Variants in PWWP3B observed in about 807,000 individuals in gnomAD.
PWWP3B encodes the protein PWWP domain containing 3B.
Under a neutral mutation model 15.7 loss-of-function variants are expected in PWWP3B, and 5 were observed. The ratio of observed to expected loss-of-function variants is 0.32; its 90% CI spans 0.17 to 0.67. PWWP3B has a LOEUF of 0.67. PWWP3B is among the 30% of genes least tolerant of loss of function. PWWP3B has a pLI of 0.74. For missense variants in PWWP3B, 519 were observed against 493.1 expected, an observed-to-expected ratio of 1.05 and a Z score of -0.50; for synonymous variants, 203 against 179.8, an observed-to-expected ratio of 1.13 and a Z score of -1.03.
intron 2 of PWWP3B, among the ~76,000 whole-genome samples, chrX:106,193,032 G>C (rs1373744907): frequency 2.7e-5 from 3 of 111,583 alleles, no homozygotes; most frequent in Non-Finnish European, 5.6e-5. Context: ...ATTTAGGGTG[G>C]AGAGTTCTGT....
At chrX:106,195,105 C>G (rs149135438) in intron 2 of PWWP3B, among the ~76,000 whole-genome samples, 54 of 111,759 alleles carry the variant, frequency 4.8e-4, no homozygotes, top group African/African-American at 1.7e-3. Context: ...ACTTGCATAT[C>G]CTCAATTACT....
Position 106,203,965 on chromosome X carries a change from C to T in PWWP3B, c.-400-20C>T, listed in dbSNP as rs771921571. The T allele has an allele frequency of 3.6e-5, 4 of 111,865 alleles. No individual in the cohort carries two copies. Among genetic ancestry groups the T allele is most frequent in the East Asian group, 2.8e-4 (1 of 3,541 alleles). 9.2% of individuals were successfully genotyped at this position (111,865 alleles called of 1,213,427 possible). On this transcript the variant is annotated intron_variant, in intron 2 of 3. Transcript: ENST00000357175. ...TTTTCCCATTTCGTTGGTTTTATTCCCTGCCTTCCTTTTGAACAGCATAGG... is the reference window on the plus strand; with the variant it reads ...TTTTCCCATTTCGTTGGTTTTATTCTCTGCCTTCCTTTTGAACAGCATAGG...
At chrX:106,199,879 A>G (rs1162919667) in intron 2 of PWWP3B, among the ~76,000 whole-genome samples, 1 of 111,714 alleles carries the variant, frequency 9.0e-6, no homozygotes, top group Non-Finnish European at 1.9e-5. Flanking sequence ...CATTCATTAC[A>G]AATATGATAT....
rs1339605529 is a variant in PWWP3B at position 106,207,404 on chromosome X, G to A, written c.1972G>A (p.Glu658Lys). ...SISAVDGLDY[E>K]AAEAKYLKGP... Reference sequence around the variant, plus strand: ...TTCTGCTGTTGATGGGTTAGATTACGAGGCAGCTGAAGCAAAGTATCTAAA... The same window carrying A: ...TTCTGCTGTTGATGGGTTAGATTACAAGGCAGCTGAAGCAAAGTATCTAAA... Residue 658 changes from glutamate (E) to lysine (K), a missense_variant, in exon 4 of 4, where the codon GAG becomes AAG. Physicochemically the swap from Glu to Lys is moderately conservative, Grantham distance 56. Transcript: ENST00000357175. 5.1e-6 allele frequency: 6 copies of A among 1,168,453 alleles called. No homozygotes were observed. Among genetic ancestry groups the A allele is most frequent in the Admixed American group, 5.2e-5 (2 of 38,755 alleles).
intron 2 of PWWP3B, among the ~76,000 whole-genome samples, chrX:106,202,693 A>G (rs868335421): frequency 6.3e-4 from 70 of 111,725 alleles, no homozygotes; most frequent in African/African-American, 2.2e-3. Context: ...TTATTTCTAT[A>G]CGCAGTTTTC....
chrX:106,206,320 T>C lies in PWWP3B; in HGVS notation c.888T>C (p.Asn296=). Residue 296 remains asparagine, a synonymous_variant, in exon 4 of 4, where the codon AAT becomes AAC. Transcript: ENST00000357175. ...ATCCATGCTTAGATACCAGCCAGAA[T>C]CAACCTTCCATGGAATCAGAGATGG... is the stretch of plus-strand genomic sequence containing the variant. ...PSNPCLDTSQ[N]QPSMESEMGA... 1 of 1,204,500 alleles carries C rather than the reference T, an allele frequency of 8.3e-7. No homozygotes were observed. The highest frequency in any genetic ancestry group is 1.1e-6 in the Non-Finnish European group (1 of 891,490).
At chrX:106,189,922 T>C (rs1922806683) in intron 2 of PWWP3B, among the ~76,000 whole-genome samples, 1 of 112,795 alleles carries the variant, frequency 8.9e-6, no homozygotes, top group Non-Finnish European at 1.9e-5. Flanking sequence ...CGGCGCCACA[T>C]TTTCTTAATC....
intron 2 of PWWP3B, among the ~76,000 whole-genome samples, chrX:106,190,645 C>G (rs1265068241): frequency 3.6e-5 from 4 of 111,708 alleles, no homozygotes; most frequent in African/African-American, 1.3e-4. Flanking sequence ...ATGATATTGC[C>G]TAAGTTTTCT....
intron 2 of PWWP3B, among the ~76,000 whole-genome samples, chrX:106,181,056 C>A (rs1193477310): frequency 8.9e-6 from 1 of 111,904 alleles, no homozygotes; most frequent in Non-Finnish European, 1.9e-5. Context: ...TATCTCCTTA[C>A]TAAAGAACTG....
intron 2 of PWWP3B, among the ~76,000 whole-genome samples, chrX:106,190,646 T>C (rs1569362039): frequency 8.9e-6 from 1 of 112,127 alleles, no homozygotes; most frequent in Non-Finnish European, 1.9e-5. Flanking sequence ...TGATATTGCC[T>C]AAGTTTTCTT....
chrX:106,173,478 C>T (rs1921726763), intron 2 of PWWP3B, among the ~76,000 whole-genome samples: 1 of 111,331 alleles, frequency 9.0e-6, no homozygotes, highest in Non-Finnish European at 1.9e-5. Context: ...TCTATATTCT[C>T]ATCGTCTACC....
In PWWP3B at chrX:106,205,731, G is replaced by T; in HGVS notation, c.299G>T (p.Arg100Ile). The T allele has an allele frequency of 1.7e-6, 2 of 1,211,484 alleles. No homozygotes were observed. The highest frequency in any genetic ancestry group is 3.0e-5 in the East Asian group (1 of 33,822). Residue 100 changes from arginine (R) to isoleucine (I), a missense_variant, in exon 4 of 4, where the codon AGA (arginine) becomes ATA (isoleucine). Coordinates refer to ENST00000357175, the MANE Select transcript of PWWP3B (RefSeq NM_001171020.2). ...LKVALGILNE[R>I]TNLSQASTSD... ...GTGGCACTGGGTATTCTGAATGAGA[G>T]AACAAATTTGAGTCAAGCAAGCACT...
Position 106,207,304 on chromosome X carries a change from GC to G in PWWP3B, c.1874del (p.Pro625GlnfsTer4). ...EVCNQIDQIMPTWIKDDKIKF... is the reference protein window; with the variant it reads ...EVCNQIDQIMXTWIKDDKIKF... ...TCTGCAATCAAATAGATCAAATAAT[GC>G]CAACTTGGATAAAAGATGATAAAAT... On this transcript the variant is annotated frameshift_variant, in exon 4 of 4. Transcript: ENST00000357175. LOFTEE classifies it high-confidence loss of function. The G allele has an allele frequency of 8.3e-7, 1 of 1,207,526 alleles. No individual in the cohort carries two copies. Among genetic ancestry groups the G allele is most frequent in the Non-Finnish European group, 1.1e-6 (1 of 893,101 alleles).
chrX:106,192,046 C>T (rs903022542), intron 2 of PWWP3B, among the ~76,000 whole-genome samples: 19 of 111,686 alleles, frequency 1.7e-4, no homozygotes, highest in African/African-American at 5.9e-4. Flanking sequence ...CAGGATGATG[C>T]TGGCCTCATA....
intron 2 of PWWP3B, among the ~76,000 whole-genome samples, chrX:106,179,304 C>T (rs1569358419): frequency 1.8e-5 from 2 of 111,851 alleles, no homozygotes; most frequent in Non-Finnish European, 3.8e-5. Context: ...GTCAATTGTC[C>T]TTTCCCTTCT....
chrX:106,189,874 C>T (rs1443942989), intron 2 of PWWP3B, among the ~76,000 whole-genome samples: 1 of 112,144 alleles, frequency 8.9e-6, no homozygotes, highest in Non-Finnish European at 1.9e-5. Context: ...GCCTCGGCCT[C>T]CCAAAGTGCT....
At chrX:106,182,763 G>A (rs957183141) in intron 2 of PWWP3B, among the ~76,000 whole-genome samples, 1 of 111,106 alleles carries the variant, frequency 9.0e-6, no homozygotes, top group African/African-American at 3.3e-5. Flanking sequence ...GTCACGCAGG[G>A]AGTATGTTTG....
chrX:106,193,670 C>G (rs751934040), intron 2 of PWWP3B, among the ~76,000 whole-genome samples: 3 of 112,013 alleles, frequency 2.7e-5, no homozygotes, highest in African/African-American at 6.5e-5. Context: ...TTTTGCAGTG[C>G]CTGGTACTGG....
At chrX:106,179,706 T>C (rs947542065) in intron 2 of PWWP3B, among the ~76,000 whole-genome samples, 3 of 111,932 alleles carry the variant, frequency 2.7e-5, no homozygotes, top group Non-Finnish European at 5.6e-5. Context: ...CCAGACCCAC[T>C]ACTATCTGTG....
Sources: allele counts gnomAD v4.1 joint callset (sites outside exome capture counted in the v4.1 genomes callset), GRCh38; gene constraint gnomAD v4.1.1; transcripts MANE v1.5; gene names NCBI Gene and HGNC (gene_info 2026-07-23, HGNC 2026-07-21).